The following SPEF2 variants were observed in gnomAD, a reference collection of about 807,000 sequenced individuals.
SPEF2 encodes the protein sperm flagella and cilia-associated protein 2.
A neutral mutation model predicts 224.6 loss-of-function variants in SPEF2; 187 were observed. That is an observed-to-expected ratio of 0.83 (90% CI 0.74 to 0.94). The LOEUF is 0.94. Among genes scored for constraint, SPEF2 ranks in the 40% least tolerant of loss-of-function variants. The probability of loss-of-function intolerance (pLI) is 0.00; values close to 1 mark genes in which losing one functional copy is unlikely to be tolerated. For missense variants in SPEF2, 2,170 were observed against 2,135.6 expected (o/e 1.02, Z -0.32); for synonymous variants, 715 against 707.3 (o/e 1.01, Z -0.17).
intron 12 of SPEF2, among the ~76,000 whole-genome samples, chr5:35,693,312 C>G (rs1308097049): frequency 6.6e-5 from 10 of 152,082 alleles, no homozygotes; most frequent in African/African-American, 2.2e-4. Flanking sequence ...GTCTTTGTCT[C>G]CAGTCTCACA....
intron 9 of SPEF2, among the ~76,000 whole-genome samples, chr5:35,669,783 A>T (rs1750976573): frequency 1.3e-5 from 2 of 152,230 alleles, no homozygotes; most frequent in South Asian, 2.1e-4. Context: ...CTCTAGTATC[A>T]GTGTCCTCCT....
intron 34 of SPEF2, among the ~76,000 whole-genome samples, chr5:35,802,267 C>T (rs1309456828): frequency 6.6e-6 from 1 of 152,116 alleles, no homozygotes; most frequent in African/African-American, 2.4e-5. Context: ...ACATCTTTCA[C>T]GAAGCATCCC....
intron 23 of SPEF2, among the ~76,000 whole-genome samples, chr5:35,746,059 C>A (rs1029797996): frequency 6.6e-6 from 1 of 152,154 alleles, no homozygotes; most frequent in African/African-American, 2.4e-5. Flanking sequence ...GTGGCTAAAC[C>A]CAGAAGACAG....
intron 25 of SPEF2, among the ~76,000 whole-genome samples, chr5:35,761,829 T>A (rs1286731503): frequency 6.6e-6 from 1 of 152,178 alleles, no homozygotes; most frequent in African/African-American, 2.4e-5. Flanking sequence ...TGTTGGTTAG[T>A]AGAATGAAAC....
chr5:35,759,749 T>C, intron 25 of SPEF2, 30 bp downstream of exon 25: 1 of 1,491,458 alleles, frequency 6.7e-7, no homozygotes, highest in African/African-American at 1.4e-5. Context: ...CACACTGTAA[T>C]TGTTTTGAAC....
intron 2 of SPEF2, among the ~76,000 whole-genome samples, chr5:35,635,855 A>G (rs1014895727): frequency 3.3e-5 from 5 of 152,142 alleles, no homozygotes; most frequent in African/African-American, 1.2e-4. Flanking sequence ...TTTTTTTTCT[A>G]AACAGGAATA....
intron 28 of SPEF2, among the ~76,000 whole-genome samples, chr5:35,775,818 C>T (rs1753539535): frequency 6.6e-6 from 1 of 152,058 alleles, no homozygotes; most frequent in Admixed American, 6.6e-5. Context: ...ATCCACCAAC[C>T]AGATTATGTG....
chr5:35,748,262 C>T (rs1177848545), intron 23 of SPEF2, among the ~76,000 whole-genome samples: 1 of 151,830 alleles, frequency 6.6e-6, no homozygotes, highest in Non-Finnish European at 1.5e-5. Flanking sequence ...TAAGGTCACA[C>T]CTCAAGGAAC....
intron 20 of SPEF2, among the ~76,000 whole-genome samples, chr5:35,718,087 G>T (rs6451209): frequency 4.6e-5 from 7 of 151,964 alleles, no homozygotes; most frequent in East Asian, 1.9e-4. Context: ...AACAAGGGGA[G>T]GGATAAGGAC....
rs994236384 is a variant in SPEF2, at chr5:35,741,161, A to G, written c.3330+894A>G. 5.3e-5 allele frequency among the ~76,000 whole-genome samples: 8 copies of G among 152,342 alleles called. 2 individuals are homozygous for G. Among genetic ancestry groups the G allele is most frequent in the East Asian group, 1.9e-4 (1 of 5,188 alleles). On this transcript the variant is annotated intron_variant, in intron 23 of 36. Coordinates refer to ENST00000356031, the MANE Select transcript of SPEF2 (RefSeq NM_024867.4). The stretch of plus-strand genomic sequence containing the variant: ...CCTTGTGTCCAGGAGACACAGAATA[A>G]GCAATAAACAAATAAGCATATAGTG...
chr5:35,709,240 G>A (rs1309215962), intron 19 of SPEF2, 119 bp downstream of exon 19: 3 of 1,503,282 alleles, frequency 2.0e-6, no homozygotes, highest in East Asian at 2.4e-5. Context: ...TATGAAACAA[G>A]GCTTTACACT....
At position 35,647,895 on chromosome 5, in the gene SPEF2, T is replaced by C. The variant is rs1310599749; in HGVS notation, c.726+1088T>C. Among the ~76,000 whole-genome samples, 3 of 94,360 alleles carry C rather than the reference T, an allele frequency of 3.2e-5. No individual in the cohort carries two copies. In the East Asian group the frequency reaches 1.3e-3, roughly 42 times the overall value. 61.9% of individuals were successfully genotyped at this position (94,360 alleles called of 152,430 possible). A position where few individuals can be genotyped will look rare whatever the true frequency, so the allele number is the denominator to read the frequency against. On this transcript the variant is annotated intron_variant, in intron 5 of 36. Coordinates refer to ENST00000356031, the MANE Select transcript of SPEF2 (RefSeq NM_024867.4). ...TCAATCATTTCAGTAAGAGGCAATC[T>C]CATTATATTTCACAGGAGAGCAATG...
chr5:35,807,191 G>A lies in SPEF2; in HGVS notation c.5317G>A (p.Val1773Ile), dbSNP rs1758187560. The A allele has an allele frequency of 1.2e-6, 2 of 1,613,820 alleles. No individual in the cohort carries two copies. Among genetic ancestry groups the A allele is most frequent in the African/African-American group, 2.7e-5 (2 of 74,906 alleles). The change falls in exon 36 of 37, where the codon GTT becomes ATT. Residue 1773 changes from valine (V) to isoleucine (I), a missense_variant. By Grantham distance (29) the Val-to-Ile change is conservative. Transcript: ENST00000356031. ...AKNLEPIEVA[V>I]LLKHPFIQDL... ...GAACCTGGAGCCAATTGAAGTCGCT[G>A]TTCTCTTGAAGCATCCTTTTATTCA...
At position 35,796,020 on chromosome 5, in the gene SPEF2, A is replaced by G. The variant is rs147461594; in HGVS notation, c.4830+225A>G. ...CTCAGAGCCTTACTGTTAACTCTCTATGTGATCCTGGAAAATTCCATGGCC... is the reference window on the plus strand; with the variant it reads ...CTCAGAGCCTTACTGTTAACTCTCTGTGTGATCCTGGAAAATTCCATGGCC... On this transcript the variant is annotated intron_variant, in intron 33 of 36. Transcript: ENST00000356031. 6.6e-4 allele frequency among the ~76,000 whole-genome samples: 100 copies of G among 152,302 alleles called. 2 individuals carry two copies. The South Asian group carries it at 0.016, about 25-fold the overall frequency.
chr5:35,769,922 C>A (rs1245284451), intron 26 of SPEF2, among the ~76,000 whole-genome samples: 1 of 151,936 alleles, frequency 6.6e-6, no homozygotes, highest in East Asian at 1.9e-4. Flanking sequence ...TCAATAACCC[C>A]CATTTTTCAC....
intron 24 of SPEF2, 145 bp downstream of exon 24, chr5:35,753,906 C>T (rs1258269059): frequency 6.9e-6 from 7 of 1,009,726 alleles, no homozygotes; most frequent in Non-Finnish European, 9.9e-6. Flanking sequence ...AGCTCCAACT[C>T]ACCAAAAAAG....
chr5:35,641,880 T>C (rs756069505), intron 3 of SPEF2, 197 bp downstream of exon 3: 180 of 501,502 alleles, frequency 3.6e-4, no homozygotes, highest in Non-Finnish European at 5.6e-4. Flanking sequence ...CTCTATCCTA[T>C]CCATATTGCC....
intron 21 of SPEF2, among the ~76,000 whole-genome samples, chr5:35,739,180 A>G (rs769057965): frequency 6.6e-6 from 1 of 152,200 alleles, no homozygotes; most frequent in African/African-American, 2.4e-5. Context: ...AACTTTTTGA[A>G]GAGTCTTCTT....
Position 35,793,220 on chromosome 5 carries a change from T to C in SPEF2, c.4616T>C (p.Leu1539Pro). 1 of 1,614,212 alleles carries C rather than the reference T, an allele frequency of 6.2e-7. No homozygotes were observed. Residue 1539 changes from leucine (L) to proline (P), a missense_variant, in exon 32 of 37, where the codon CTG becomes CCG. Physicochemically the swap from Leu to Pro is moderately conservative, Grantham distance 98. Coordinates refer to ENST00000356031, the MANE Select transcript of SPEF2 (RefSeq NM_024867.4). The part of the protein sequence containing the change: ...NSEFVDWRKF[L>P]LVTSMPWPIP... The stretch of plus-strand genomic sequence containing the variant: ...GAGTTCGTGGACTGGCGGAAGTTCC[T>C]GTTAGTAACCTCAATGCCTTGGCCC...
Sources: gnomAD v4.1 joint callset for allele counts (sites outside exome capture counted in the v4.1 genomes callset) on GRCh38, gnomAD v4.1.1 for gene constraint, MANE v1.5 for transcripts, NCBI Gene and HGNC (gene_info 2026-07-23, HGNC 2026-07-21) for gene names.